Variants in SLC6A3 observed in about 807,000 individuals in gnomAD.
The protein encoded by SLC6A3 is solute carrier family 6 member 3.
A neutral mutation model predicts 70.4 loss-of-function variants in SLC6A3; 19 were observed. The ratio of observed to expected loss-of-function variants is 0.27; its 90% confidence interval spans 0.19 to 0.40. SLC6A3 has a LOEUF of 0.40. SLC6A3 is among the 10% of genes least tolerant of loss of function. The pLI, the probability that SLC6A3 is intolerant of heterozygous loss-of-function variation, is 1.00. For synonymous variants in SLC6A3, 368 were observed against 356.6 expected, an observed-to-expected ratio of 1.03 and a Z score of -0.36; for missense variants, 613 against 838.5, an observed-to-expected ratio of 0.73 and a Z score of 3.32.
chr5:1,403,201 C>G, intron 12 of SLC6A3, 112 bp from the exon 13 acceptor site: 4 of 1,259,226 alleles, frequency 3.2e-6, no homozygotes, highest in Non-Finnish European at 3.4e-6. Context: ...CACAGCTGTG[C>G]AGGTGCAGAC....
Position 1,397,715 on chromosome 5 carries a change from G to A in SLC6A3, c.1840-2957C>T, listed in dbSNP as rs571473732. Among the ~76,000 whole-genome samples the A allele has an allele frequency of 2.6e-5, 4 of 152,356 alleles. No homozygotes were observed. Among genetic ancestry groups the A allele is most frequent in the African/African-American group, 9.6e-5 (4 of 41,590 alleles). ...ATGTTCCCACACACCAATAGTGAGG[G>A]AGGTTAGCAAGAGACCTCCTCAAAG... On this transcript the variant is annotated intron_variant, in intron 14 of 14. Coordinates refer to ENST00000270349, the MANE Select transcript of SLC6A3 (RefSeq NM_001044.5). This position sits in a 1 kb window ranked among gnomAD's most constrained non-coding sequence, Gnocchi z 4.7.
In SLC6A3 at chr5:1,414,705, T is replaced by A; in HGVS notation, c.1142A>T (p.Asp381Val). 5 of 1,612,458 alleles carry A rather than the reference T, an allele frequency of 3.1e-6. No individual in the cohort carries two copies. The highest frequency in any genetic ancestry group is 4.2e-6 in the Non-Finnish European group (5 of 1,179,784). The change falls in exon 8 of 15, where the codon GAC (aspartate) becomes GTC (valine). Residue 381 changes from aspartate (D) to valine (V), a missense_variant. This residue lies in a region of SLC6A3 where 348 missense variants were observed against 481.2 expected (regional missense o/e 0.72). Transcript: ENST00000270349. ...GAGGGGCTCACCGTCCTTGGCCACG[T>A]CCCCGATGGGCACACTGTGCTTCTG... ...MAQKHSVPIG[D>V]VAKDGPGLIF...
chr5:1,442,977 A>G lies in SLC6A3; in HGVS notation c.221T>C (p.Ile74Thr). Residue 74 changes from isoleucine to threonine, a missense_variant, in exon 2 of 15, where the codon ATT becomes ACT. Physicochemically the swap from Ile to Thr is moderately conservative, Grantham distance 89 (BLOSUM62 -1). This residue lies in a region of SLC6A3 where 153 missense variants were observed against 249.4 expected (regional missense o/e 0.61). Coordinates refer to ENST00000270349, the MANE Select transcript of SLC6A3 (RefSeq NM_001044.5). The surrounding 1 kb of genome is among the most constrained non-coding windows in gnomAD (Gnocchi z 5.0). ...GTTGGCCAGGTCCACAGCAAAGCCAATGACGGACAGGAGAAAGTCGATCTT... is the reference window on the plus strand; with the variant it reads ...GTTGGCCAGGTCCACAGCAAAGCCAGTGACGGACAGGAGAAAGTCGATCTT... ...GKKIDFLLSV[I>T]GFAVDLANVW... 1 of 1,614,208 alleles carries G rather than the reference A, an allele frequency of 6.2e-7. No homozygotes were observed. The highest frequency in any genetic ancestry group is 1.1e-5 in the South Asian group (1 of 91,078).
chr5:1,417,678 C>A (rs1756338850), intron 6 of SLC6A3, among the ~76,000 whole-genome samples: 3 of 152,368 alleles, frequency 2.0e-5, no homozygotes, highest in Admixed American at 6.5e-5. Flanking sequence ...CTCAGATGCC[C>A]ACCTTGCCCT....
chr5:1,442,875 C>G lies in SLC6A3; in HGVS notation c.286+37G>C, dbSNP rs187410020. The G allele has an allele frequency of 6.2e-6, 10 of 1,612,202 alleles. No individual in the cohort carries two copies. The highest frequency in any genetic ancestry group is 8.5e-6 in the Non-Finnish European group (10 of 1,178,500). ...CCCGGCTGCCCCTACGACCCCCGCC[C>G]GGCCAGCATGCTCAGGGAGGCTGAG... On this transcript the variant is annotated intron_variant, in intron 2 of 14. Transcript: ENST00000270349. This position sits in a 1 kb window ranked among gnomAD's most constrained non-coding sequence, Gnocchi z 5.0.
At chr5:1,414,516 G>GGGGCCGGGAGGGGCAGGGCGGAGAA (rs1560913099) in intron 8 of SLC6A3, among the ~76,000 whole-genome samples, 175 bp downstream of exon 8, 1 of 151,546 alleles carries the variant, frequency 6.6e-6, no homozygotes, top group East Asian at 1.9e-4. Flanking sequence ...CGCTGGGTGG[G>GGGGCCGGGAGGGGCAGGGCGGAGAA]GGCAGGTCTG....
chr5:1,406,831 C>A lies in SLC6A3; in HGVS notation c.1499-543G>T, dbSNP rs1755993943. Among the ~76,000 whole-genome samples the A allele has an allele frequency of 6.6e-6, 1 of 152,152 alleles. No individual in the cohort carries two copies. Among genetic ancestry groups the A allele is most frequent in the South Asian group, 2.1e-4 (1 of 4,830 alleles). Reference sequence around the variant, plus strand: ...CCCAACCCCCGCCAGGCCCCAGCACCATCTGCTTTTTGTCTCAATGAATGT... The same window carrying A: ...CCCAACCCCCGCCAGGCCCCAGCACAATCTGCTTTTTGTCTCAATGAATGT... On this transcript the variant is annotated intron_variant, in intron 11 of 14. Transcript: ENST00000270349. This position sits in a 1 kb window ranked among gnomAD's most constrained non-coding sequence, Gnocchi z 8.8.
In SLC6A3 at chr5:1,443,214, G is replaced by C; in HGVS notation, c.-17C>G. 6.2e-7 allele frequency: 1 copy of C among 1,613,790 alleles called. No individual in the cohort carries two copies. Among genetic ancestry groups the C allele is most frequent in the Non-Finnish European group, 8.5e-7 (1 of 1,179,714 alleles). ...CTTACTCATGGGCACACTGGGAGTT[G>C]AGGAATTCTGTGCTTCTTCCCTCTT... is the stretch of plus-strand genomic sequence containing the variant. On this transcript the variant is annotated 5_prime_UTR_variant, in exon 2 of 15. Transcript: ENST00000270349.
rs1299318178 is a variant in SLC6A3, at chr5:1,406,358, G to A, written c.1499-70C>T. 2.3e-6 allele frequency: 3 copies of A among 1,311,680 alleles called. No homozygotes were observed. Among genetic ancestry groups the A allele is most frequent in the Non-Finnish European group, 3.3e-6 (3 of 905,728 alleles). 81.3% of individuals were successfully genotyped at this position (1,311,680 alleles called of 1,614,324 possible). A position where few individuals can be genotyped will look rare whatever the true frequency, so the allele number is the denominator to read the frequency against. ...TCCCCCGATGCTGGACACGTGTGGG[G>A]GTCCTCGCTGACTCCCAAGGGCCCC... On this transcript the variant is annotated intron_variant, in intron 11 of 14. Transcript: ENST00000270349. The surrounding 1 kb of genome is among the most constrained non-coding windows in gnomAD (Gnocchi z 8.8).
In SLC6A3 at chr5:1,413,672, C is replaced by G. The variant is rs28363081; in HGVS notation, c.1156+1019G>C. 3.9e-3 allele frequency among the ~76,000 whole-genome samples: 598 copies of G among 152,286 alleles called. 4 individuals carry two copies. The highest frequency in any genetic ancestry group is 0.014 in the African/African-American group (563 of 41,556). ...CATGGGAGCCCACCCAACCCAGGCC[C>G]GTGTCTGGAGCGAAAGGGCCTCCTC... On this transcript the variant is annotated intron_variant, in intron 8 of 14. Coordinates refer to ENST00000270349, the MANE Select transcript of SLC6A3 (RefSeq NM_001044.5). The surrounding 1 kb of genome is among the most constrained non-coding windows in gnomAD (Gnocchi z 7.1).
intron 14 of SLC6A3, among the ~76,000 whole-genome samples, chr5:1,399,709 T>C (rs966175662): frequency 1.3e-5 from 2 of 152,048 alleles, no homozygotes; most frequent in African/African-American, 2.4e-5. Context: ...AGCAGGCAAG[T>C]CACTGGGAGG....
chr5:1,401,028 C>T lies in SLC6A3; in HGVS notation c.1768-42G>A. On this transcript the variant is annotated intron_variant, in intron 13 of 14. Coordinates refer to ENST00000270349, the MANE Select transcript of SLC6A3 (RefSeq NM_001044.5). The surrounding 1 kb of genome is among the most constrained non-coding windows in gnomAD (Gnocchi z 6.1). ...GTGCAGGGGTCAGTGCAGACCAGTACCCACTGCCAGCACCCACCACTGACT... is the reference window on the plus strand; with the variant it reads ...GTGCAGGGGTCAGTGCAGACCAGTATCCACTGCCAGCACCCACCACTGACT... The T allele has an allele frequency of 1.4e-6, 2 of 1,457,070 alleles. No homozygotes were observed. The highest frequency in any genetic ancestry group is 1.2e-5 in the South Asian group (1 of 83,440). 90.3% of individuals were successfully genotyped at this position (1,457,070 alleles called of 1,614,324 possible). A position where few individuals can be genotyped will look rare whatever the true frequency, so the allele number is the denominator to read the frequency against.
rs372722904 is a variant in SLC6A3 at position 1,400,916 on chromosome 5, G to A, written c.1838C>T (p.Thr613Met). Reference protein sequence around the residue: ...LVDRGEVRQFTLRHWLKV With the variant: ...LVDRGEVRQFMLRHWLKV ...GCCCAGCAGGGACCTCGACCTCACC[G>A]TGAACTGGCGCACCTCCCCTCTGTC... The change falls in exon 14 of 15, where the codon ACG becomes ATG. Residue 613 changes from threonine (T) to methionine (M), a missense_variant and splice_region_variant. Coordinates refer to ENST00000270349, the MANE Select transcript of SLC6A3 (RefSeq NM_001044.5). The A allele has an allele frequency of 8.2e-6, 13 of 1,581,500 alleles. No individual in the cohort carries two copies. The highest frequency in any genetic ancestry group is 1.8e-5 in the Admixed American group (1 of 56,864).
intron 6 of SLC6A3, chr5:1,416,613 T>G: frequency 3.2e-6 from 1 of 307,764 alleles, no homozygotes; most frequent in South Asian, 2.6e-5. Context: ...TAATAACCCT[T>G]AGAACAGCAC....
At chr5:1,443,963 G>T (rs1219902802) in intron 1 of SLC6A3, among the ~76,000 whole-genome samples, 2 of 152,184 alleles carry the variant, frequency 1.3e-5, no homozygotes, top group Admixed American at 6.5e-5. Flanking sequence ...CTCCCAAAGT[G>T]CTGAGATGAC....
At chr5:1,423,949 G>A (rs1202549030) in intron 4 of SLC6A3, among the ~76,000 whole-genome samples, 2 of 152,196 alleles carry the variant, frequency 1.3e-5, no homozygotes, top group African/African-American at 2.4e-5. Flanking sequence ...GAGCCCGGCC[G>A]AATGCAGCCT....
intron 14 of SLC6A3, among the ~76,000 whole-genome samples, chr5:1,400,452 C>A (rs1256610799): frequency 6.6e-6 from 1 of 152,168 alleles, no homozygotes; most frequent in Non-Finnish European, 1.5e-5. Context: ...ACCATCCTCT[C>A]ACTCGAAGCC....
At chr5:1,398,619 A>G (rs1030386253) in intron 14 of SLC6A3, among the ~76,000 whole-genome samples, 2 of 152,236 alleles carry the variant, frequency 1.3e-5, no homozygotes, top group East Asian at 3.8e-4. Context: ...GGTTTGCAAA[A>G]GACACTTAAA....
At position 1,394,788 on chromosome 5, in the gene SLC6A3, C is replaced by G. The variant is rs777703331; in HGVS notation, c.1840-30G>C. ...AAAGAAAACAGGTTTAGTCAGAAAC[C>G]CTGGGGCGATGCCCCATTTAAGAGC... On this transcript the variant is annotated intron_variant, in intron 14 of 14. Transcript: ENST00000270349. The surrounding 1 kb of genome is among the most constrained non-coding windows in gnomAD (Gnocchi z 4.7). 24 of 1,613,884 alleles carry G rather than the reference C, an allele frequency of 1.5e-5. No individual in the cohort carries two copies. Among genetic ancestry groups the G allele is most frequent in the Non-Finnish European group, 1.4e-5 (17 of 1,179,836 alleles).
Sources: allele counts gnomAD v4.1 joint callset (sites outside exome capture counted in the v4.1 genomes callset), GRCh38; gene constraint gnomAD v4.1.1; regional missense constraint gnomAD v4.1.1; non-coding constraint Gnocchi (gnomAD v3.1); transcripts MANE v1.5; gene names NCBI Gene and HGNC (gene_info 2026-07-23, HGNC 2026-07-21).